The following COL9A1 variants were observed in gnomAD, a reference collection of about 807,000 sequenced individuals.
COL9A1 encodes collagen type IX alpha 1 chain, also known as collagen alpha-1(IX) chain.
In COL9A1, 104 loss-of-function variants were observed where a neutral mutation model predicts 142.6. The ratio of observed to expected loss-of-function variants is 0.73; its 90% CI spans 0.62 to 0.86. The LOEUF (loss-of-function observed/expected upper bound fraction) is 0.86. Ranked by LOEUF, COL9A1 falls within the 40% of genes least tolerant of loss-of-function variation. The probability of loss-of-function intolerance (pLI) is 0.00; values close to 1 mark genes in which losing one functional copy is unlikely to be tolerated. For synonymous variants in COL9A1, 466 were observed against 396.0 expected (o/e 1.18, Z -2.10); for missense variants, 1,210 against 1,176.6 (o/e 1.03, Z -0.42).
In COL9A1 at chr6:70,296,519, C is replaced by T. The variant is rs150246802; in HGVS notation, c.300-1956G>A. ...CAGATATTTGTTTTTAATATACTTC[C>T]TGTTTATCAATCAGTTTGTCATATT... On this transcript the variant is annotated intron_variant, in intron 4 of 37. Coordinates refer to ENST00000357250, the MANE Select transcript of COL9A1 (RefSeq NM_001851.6). 5.9e-3 allele frequency among the ~76,000 whole-genome samples: 895 copies of T among 152,130 alleles called. 4 individuals are homozygous for T. Among genetic ancestry groups the T allele is most frequent in the African/African-American group, 0.02 (822 of 41,538 alleles).
Position 70,255,338 on chromosome 6 carries a change from C to G in COL9A1, c.1556G>C (p.Arg519Thr), listed in dbSNP as rs1337756158. 6.2e-7 allele frequency: 1 copy of G among 1,614,176 alleles called. No individual in the cohort carries two copies. Among genetic ancestry groups the G allele is most frequent in the Non-Finnish European group, 8.5e-7 (1 of 1,179,978 alleles). Residue 519 changes from arginine to threonine, a missense_variant and splice_region_variant, in exon 22 of 38, where the codon AGA becomes ACA. Transcript: ENST00000357250. Reference sequence around the variant, plus strand: ...TGGAGTGACTGAATTTAAACTCACTCTATCTCCTTTGGGACCTGCTTCTCC... The same window carrying G: ...TGGAGTGACTGAATTTAAACTCACTGTATCTCCTTTGGGACCTGCTTCTCC... ...PPGEAGPKGD[R>T]GAEGARGIPG... is the part of the protein sequence containing the mutation.
intron 36 of COL9A1, among the ~76,000 whole-genome samples, chr6:70,226,647 C>T (rs765884525): frequency 1.9e-4 from 29 of 151,542 alleles, no homozygotes; most frequent in Non-Finnish European, 2.7e-4. Flanking sequence ...TATTAAATAA[C>T]GAGGAATAAA....
Position 70,263,317 on chromosome 6 carries a change from AAGAAAAG to A in COL9A1, c.1342-27_1342-21del, listed in dbSNP as rs752158533. 1.6e-4 allele frequency: 249 copies of A among 1,603,872 alleles called. 1 individual carries two copies. The African/African-American group carries it at 3.0e-3, about 19-fold the overall frequency. On this transcript the variant is annotated intron_variant, in intron 18 of 37. Transcript: ENST00000357250. Reference sequence around the variant, plus strand: ...TTCACCCTAAAGAAAAAAAAGAAAAAAGAAAAGCACACCAAATGTTATTCTAGCAAAC... The same window carrying A: ...TTCACCCTAAAGAAAAAAAAGAAAAACACACCAAATGTTATTCTAGCAAAC...
chr6:70,268,760 A>G, intron 17 of COL9A1, 44 bp downstream of exon 17: 1 of 1,567,246 alleles, frequency 6.4e-7, no homozygotes, highest in Non-Finnish European at 8.8e-7. Context: ...GCTCCATTTT[A>G]TCTGTGGATA....
chr6:70,281,142 G>T, intron 8 of COL9A1, 103 bp from the exon 9 acceptor site: 2 of 1,032,284 alleles, frequency 1.9e-6, no homozygotes, highest in Non-Finnish European at 2.9e-6. Context: ...TGGGGATGGT[G>T]TAAGGGTCAA....
chr6:70,247,767 T>C (rs939238573), intron 28 of COL9A1, among the ~76,000 whole-genome samples: 1 of 152,214 alleles, frequency 6.6e-6, no homozygotes, highest in Non-Finnish European at 1.5e-5. Flanking sequence ...ATTTCTCTTG[T>C]GTATGTTTAC....
chr6:70,272,037 TA>T, intron 13 of COL9A1, 27 bp downstream of exon 13: 1 of 1,606,146 alleles, frequency 6.2e-7, no homozygotes, highest in Non-Finnish European at 8.5e-7. Flanking sequence ...ATAGACTGCA[TA>T]AAAATAAATG....
chr6:70,283,445 T>C (rs1773301925), intron 6 of COL9A1, among the ~76,000 whole-genome samples: 2 of 152,338 alleles, frequency 1.3e-5, no homozygotes, highest in African/African-American at 4.8e-5. Flanking sequence ...ACTCAAGTGT[T>C]CTTGGACATG....
intron 1 of COL9A1, 62 bp downstream of exon 1, chr6:70,302,849 C>G: frequency 1.3e-6 from 2 of 1,576,248 alleles, no homozygotes; most frequent in Non-Finnish European, 1.7e-6. Context: ...AAATACAGAC[C>G]CTTGGTTCTG....
Position 70,283,719 on chromosome 6 carries a change from G to A in COL9A1, c.780+18C>T. On this transcript the variant is annotated intron_variant, in intron 6 of 37. Coordinates refer to ENST00000357250, the MANE Select transcript of COL9A1 (RefSeq NM_001851.6). ...GAGCTGGGTAGAAGTGGCCTTTGCA[G>A]GTAGTCAGGGGACTCACCGTTATTC... 1 of 1,599,976 alleles carries A rather than the reference G, an allele frequency of 6.3e-7. No individual in the cohort carries two copies. The highest frequency in any genetic ancestry group is 1.3e-5 in the African/African-American group (1 of 74,820).
Position 70,250,639 on chromosome 6 carries a change from T to A in COL9A1, c.1872+1481A>T, listed in dbSNP as rs925099927. Among the ~76,000 whole-genome samples, 5 of 152,242 alleles carry A rather than the reference T, an allele frequency of 3.3e-5. No individual in the cohort carries two copies. The Middle Eastern group carries it at 0.01, about 311-fold the overall frequency. Reference sequence around the variant, plus strand: ...TGGAATACATTGCTTTTCTCAAGTATAAAAATCTTCATTCAACAAGCCCAA... The same window carrying A: ...TGGAATACATTGCTTTTCTCAAGTAAAAAAATCTTCATTCAACAAGCCCAA... On this transcript the variant is annotated intron_variant, in intron 28 of 37. Transcript: ENST00000357250.
intron 25 of COL9A1, among the ~76,000 whole-genome samples, chr6:70,253,714 T>C (rs1211493657): frequency 6.6e-6 from 1 of 152,154 alleles, no homozygotes; most frequent in Non-Finnish European, 1.5e-5. Context: ...CTTCCCAAAT[T>C]AGAATCCAGT....
At chr6:70,246,455 A>G (rs79725953) in intron 28 of COL9A1, among the ~76,000 whole-genome samples, 7,338 of 152,142 alleles carry the variant, frequency 0.048, 253 homozygotes, top group Non-Finnish European at 0.075. Flanking sequence ...ACTGATTCCC[A>G]GTGATAGCTA....
chr6:70,292,927 A>G (rs566750001), intron 5 of COL9A1, among the ~76,000 whole-genome samples: 2 of 152,312 alleles, frequency 1.3e-5, no homozygotes, highest in East Asian at 1.9e-4. Flanking sequence ...CTTTTTCAAG[A>G]GTCTACAAGC....
intron 17 of COL9A1, among the ~76,000 whole-genome samples, chr6:70,267,327 G>GGTTTTTTTTTTTTTTTTTTTTT (rs757813161): frequency 7.9e-6 from 1 of 127,028 alleles, no homozygotes; most frequent in Admixed American, 7.8e-5. Context: ...TGGTTTTTTT[G>GGTTTTTTTTTTTTTTTTTTTTT]TTTTTTTTTT....
At chr6:70,226,483 T>C (rs1444647058) in intron 36 of COL9A1, among the ~76,000 whole-genome samples, 1 of 152,026 alleles carries the variant, frequency 6.6e-6, no homozygotes, top group African/African-American at 2.4e-5. Flanking sequence ...ATCTTAAAAC[T>C]CTAGAAAGTT....
chr6:70,236,975 T>C (rs1001351210), intron 33 of COL9A1, among the ~76,000 whole-genome samples: 2 of 152,232 alleles, frequency 1.3e-5, no homozygotes, highest in African/African-American at 2.4e-5. Flanking sequence ...GCGTGCGCCA[T>C]GACACCTGGC....
chr6:70,218,559 C>T (rs1406749314), intron 37 of COL9A1, among the ~76,000 whole-genome samples: 2 of 152,152 alleles, frequency 1.3e-5, no homozygotes, highest in Non-Finnish European at 2.9e-5. Context: ...TCCATCTCAG[C>T]CATCTTAACC....
At chr6:70,257,560 C>G (rs11757395) in intron 20 of COL9A1, among the ~76,000 whole-genome samples, 19,972 of 151,984 alleles carry the variant, frequency 0.13, 1,601 homozygotes, top group Non-Finnish European at 0.18. Context: ...ACAGCCTGGC[C>G]AACATGGAGA....
Sources: gnomAD v4.1 joint callset for allele counts (sites outside exome capture counted in the v4.1 genomes callset) on GRCh38, gnomAD v4.1.1 for gene constraint, MANE v1.5 for transcripts, NCBI Gene and HGNC (gene_info 2026-07-23, HGNC 2026-07-21) for gene names.